ATP11A: variants seen among roughly 807,000 people sequenced by gnomAD.
ATP11A encodes the protein ATPase phospholipid transporting 11A.
A neutral mutation model predicts 154.4 loss-of-function variants in ATP11A; 81 were observed. The ratio of observed to expected loss-of-function variants is 0.52; its 90% confidence interval spans 0.44 to 0.63. The LOEUF (loss-of-function observed/expected upper bound fraction) is 0.63, where lower values mean the gene tolerates loss of function less well. Ranked by LOEUF, ATP11A falls within the 30% of genes least tolerant of loss-of-function variation. The pLI, the probability that ATP11A is intolerant of heterozygous loss-of-function variation, is 0.00. For missense variants in ATP11A, 1,316 were observed against 1,474.3 expected (o/e 0.89, Z 1.76); for synonymous variants, 623 against 585.9 (o/e 1.06, Z -0.91).
chr13:112,818,369 G>A lies in ATP11A; in HGVS notation c.571-935G>A, dbSNP rs77864597. 4.3e-3 allele frequency among the ~76,000 whole-genome samples: 662 copies of A among 152,328 alleles called. 8 individuals are homozygous for A. The highest frequency in any genetic ancestry group is 0.015 in the African/African-American group (641 of 41,586). On this transcript the variant is annotated intron_variant, in intron 6 of 29. Transcript: ENST00000375645. ...GTGACGGAACGGTGATCATTTGTGTGCTTGGTGACGGAGCAGTGACCGTGT... is the reference window on the plus strand; with the variant it reads ...GTGACGGAACGGTGATCATTTGTGTACTTGGTGACGGAGCAGTGACCGTGT...
chr13:112,827,952 TAGTC>T (rs1302623714), intron 12 of ATP11A, among the ~76,000 whole-genome samples: 3 of 152,288 alleles, frequency 2.0e-5, no homozygotes, highest in African/African-American at 7.2e-5. Context: ...AGTTGTTCAA[TAGTC>T]AGGTATTTTT....
At chr13:112,833,161 C>G (rs2140255783) in intron 14 of ATP11A, 138 bp downstream of exon 14, 1 of 1,123,018 alleles carries the variant, frequency 8.9e-7, no homozygotes, top group East Asian at 2.5e-5. Context: ...GCCTTTGCAC[C>G]CAGCTTCTCT....
rs1401183224 is a variant in ATP11A at position 112,753,658 on chromosome 13, G to T, written c.40-31477G>T. Among the ~76,000 whole-genome samples, 3 of 152,266 alleles carry T rather than the reference G, an allele frequency of 2.0e-5. No homozygotes were observed. The East Asian group carries it at 5.8e-4, about 29-fold the overall frequency. The stretch of plus-strand genomic sequence containing the variant: ...TTTGCCCATCTTTCATTTGGGTTGT[G>T]TCTTGAGGAGCTCTTTATATACTTC... On this transcript the variant is annotated intron_variant, in intron 1 of 29. Coordinates refer to ENST00000375645, the MANE Select transcript of ATP11A (RefSeq NM_015205.3). The surrounding 1 kb of genome is among the most constrained non-coding windows in gnomAD (Gnocchi z 4.1).
At chr13:112,880,622 G>A (rs769359194) in intron 29 of ATP11A, 35 of 1,297,516 alleles carry the variant, frequency 2.7e-5, no homozygotes, top group Admixed American at 6.9e-5. Context: ...CTCCTACGGC[G>A]GCCAAGGCGC....
At chr13:112,866,727 G>A (rs1161624826) in intron 25 of ATP11A, among the ~76,000 whole-genome samples, 2 of 145,754 alleles carry the variant, frequency 1.4e-5, no homozygotes, top group African/African-American at 5.0e-5. Flanking sequence ...AGACTGCTGG[G>A]TTCAAACACA....
At chr13:112,733,494 T>C (rs1890697714) in intron 1 of ATP11A, among the ~76,000 whole-genome samples, 2 of 152,262 alleles carry the variant, frequency 1.3e-5, no homozygotes, top group South Asian at 4.1e-4. Context: ...CATATTTTCA[T>C]TTGTATTTCA....
At chr13:112,841,618 C>T (rs1329997125) in intron 16 of ATP11A, among the ~76,000 whole-genome samples, 3 of 151,628 alleles carry the variant, frequency 2.0e-5, no homozygotes, top group Non-Finnish European at 4.4e-5. Flanking sequence ...CACGTGGCTT[C>T]GCCGTCCAGG....
At chr13:112,722,846 G>A (rs1351219217) in intron 1 of ATP11A, among the ~76,000 whole-genome samples, 3 of 152,192 alleles carry the variant, frequency 2.0e-5, no homozygotes, top group African/African-American at 4.8e-5. Context: ...TAGGAAAGAC[G>A]TAAATCAATG....
intron 13 of ATP11A, among the ~76,000 whole-genome samples, chr13:112,832,224 A>T (rs1041748826): frequency 4.6e-5 from 7 of 152,216 alleles, no homozygotes; most frequent in Non-Finnish European, 1.0e-4. Flanking sequence ...TCCCAGGCTG[A>T]TGCTGTTCCT....
intron 1 of ATP11A, among the ~76,000 whole-genome samples, chr13:112,768,705 C>T (rs1170491350): frequency 6.6e-6 from 1 of 152,134 alleles, no homozygotes; most frequent in Non-Finnish European, 1.5e-5. Flanking sequence ...CTGGCTAATT[C>T]ATCTTTAGAA....
chr13:112,826,609 C>T (rs1171061184), intron 11 of ATP11A, 85 bp from the exon 12 acceptor site: 2 of 1,095,952 alleles, frequency 1.8e-6, no homozygotes, highest in Non-Finnish European at 2.8e-6. Flanking sequence ...TAACTTATGC[C>T]TAAGCCTGAG....
rs112701416 is a variant in ATP11A at position 112,836,666 on chromosome 13, T to C, written c.1705+415T>C. ...GGTAATGTGGGTTTGCAAATGTATC[T>C]ATAATAATGTTCAAAGTTGCAAAGT... On this transcript the variant is annotated intron_variant, in intron 16 of 29. Coordinates refer to ENST00000375645, the MANE Select transcript of ATP11A (RefSeq NM_015205.3). Among the ~76,000 whole-genome samples, 1,353 of 152,370 alleles carry C rather than the reference T, an allele frequency of 8.9e-3. 23 individuals are homozygous for C. The highest frequency in any genetic ancestry group is 0.03 in the African/African-American group (1,252 of 41,588).
chr13:112,841,423 C>T (rs1449940387), intron 16 of ATP11A, among the ~76,000 whole-genome samples: 1 of 110,058 alleles, frequency 9.1e-6, no homozygotes, highest in East Asian at 2.9e-4. Flanking sequence ...GTGGCTTCGC[C>T]GTCCAGGGAT....
At chr13:112,881,640 CTCT>C in intron 29 of ATP11A, 2 of 1,194,264 alleles carry the variant, frequency 1.7e-6, no homozygotes, top group South Asian at 3.0e-5. Flanking sequence ...CATATGGCTT[CTCT>C]GGTGGGGTGG....
intron 2 of ATP11A, among the ~76,000 whole-genome samples, chr13:112,790,097 T>C (rs56413737): frequency 7.7e-6 from 1 of 129,306 alleles, no homozygotes; most frequent in Admixed American, 7.7e-5. Flanking sequence ...TGTAGACCTA[T>C]TTAATTCACA....
intron 1 of ATP11A, among the ~76,000 whole-genome samples, chr13:112,767,878 C>T (rs770361899): frequency 5.2e-4 from 79 of 152,254 alleles, no homozygotes; most frequent in Non-Finnish European, 1.1e-3. Context: ...AGACCCCTCG[C>T]AGCACTCAGG....
At chr13:112,846,105 C>A (rs948158871) in intron 17 of ATP11A, among the ~76,000 whole-genome samples, 3 of 152,194 alleles carry the variant, frequency 2.0e-5, no homozygotes, top group Non-Finnish European at 4.4e-5. Context: ...CCTTTTCTGG[C>A]TGCTTTTGAG....
chr13:112,732,771 C>T (rs1890625102), intron 1 of ATP11A, among the ~76,000 whole-genome samples: 1 of 152,168 alleles, frequency 6.6e-6, no homozygotes, highest in African/African-American at 2.4e-5. Flanking sequence ...GCCACCATGC[C>T]TGGCTAGTTT....
chr13:112,816,310 C>T, intron 6 of ATP11A, 99 bp downstream of exon 6: 2 of 1,503,476 alleles, frequency 1.3e-6, no homozygotes, highest in Non-Finnish European at 1.8e-6. Flanking sequence ...TTTGAAAAGT[C>T]ACCGTTTTCA....
Sources: allele counts gnomAD v4.1 joint callset (sites outside exome capture counted in the v4.1 genomes callset), GRCh38; gene constraint gnomAD v4.1.1; non-coding constraint Gnocchi (gnomAD v3.1); transcripts MANE v1.5; gene names NCBI Gene and HGNC (gene_info 2026-07-23, HGNC 2026-07-21).